The following AKAP13 variants were observed in gnomAD, a reference collection of about 807,000 sequenced individuals.
AKAP13 encodes A-kinase anchor protein 13.
A neutral mutation model predicts 264.5 loss-of-function variants in AKAP13; 80 were observed. The observed-to-expected ratio is 0.30, with a 90% CI of 0.25 to 0.36. The LOEUF is 0.36. Among genes scored for constraint, AKAP13 ranks in the 10% least tolerant of loss-of-function variants. The pLI is 1.00. For missense variants in AKAP13, 3,712 were observed against 3,435.2 expected (o/e 1.08, Z -2.01); for synonymous variants, 1,380 against 1,250.2 (o/e 1.10, Z -2.19).
chr15:85,702,321 T>C (rs2151670310), intron 17 of AKAP13: 1 of 152,194 alleles, frequency 6.6e-6, no homozygotes, highest in South Asian at 2.1e-4. Context: ...AGTCATCTTC[T>C]CAAAGGAACC....
chr15:85,631,480 A>G (rs866157812), intron 8 of AKAP13, among the ~76,000 whole-genome samples: 1 of 125,290 alleles, frequency 8.0e-6, no homozygotes, highest in African/African-American at 3.0e-5. Flanking sequence ...ACACACACAC[A>G]CTTTCTCTCT....
intron 8 of AKAP13, among the ~76,000 whole-genome samples, chr15:85,623,900 G>A (rs1015750310): frequency 1.3e-5 from 2 of 152,174 alleles, no homozygotes; most frequent in Non-Finnish European, 2.9e-5. Flanking sequence ...TGTTGGCATG[G>A]GCCCTTTGGT....
chr15:85,573,467 C>A (rs928293452), intron 5 of AKAP13, among the ~76,000 whole-genome samples: 1 of 151,894 alleles, frequency 6.6e-6, no homozygotes, highest in Non-Finnish European at 1.5e-5. Flanking sequence ...AATCGATGAA[C>A]CTGGGAGTTA....
Position 85,580,655 on chromosome 15 carries a change from A to T in AKAP13, c.2587A>T (p.Thr863Ser), listed in dbSNP as rs1388637087. The T allele has an allele frequency of 3.1e-6, 5 of 1,614,076 alleles. No individual in the cohort carries two copies. The Admixed American group carries it at 8.3e-5, about 27-fold the overall frequency. ...AGAGCTTCAGCACGGGATGGGGAAT[A>T]CCAGTCTCACAGGACTTGGTGGAGA... Reference protein sequence around the residue: ...AAELQHGMGNTSLTGLGGEHE... With the variant: ...AAELQHGMGNSSLTGLGGEHE... Residue 863 changes from threonine (T) to serine (S), a missense_variant, in exon 7 of 37, where the codon ACC (threonine) becomes TCC (serine). By Grantham distance (58) the Thr-to-Ser change is moderately conservative. Coordinates refer to ENST00000394518, the MANE Select transcript of AKAP13 (RefSeq NM_007200.5).
rs750818026 is a variant in AKAP13, at chr15:85,722,110, T to C, written c.6372T>C (p.Phe2124=). 1 of 1,613,962 alleles carries C rather than the reference T, an allele frequency of 6.2e-7. No homozygotes were observed. The highest frequency in any genetic ancestry group is 1.7e-5 in the Admixed American group (1 of 59,964). Residue 2124 remains phenylalanine, a synonymous_variant, in exon 24 of 37, where the codon TTT becomes TTC. Coordinates refer to ENST00000394518, the MANE Select transcript of AKAP13 (RefSeq NM_007200.5). ...CCAAGGATAAGCGTTTTCAAGCCTT[T>C]GTAAAGGTATTGATAAGAAACATGA... The part of the protein sequence containing the change: ...LYAKDKRFQA[F]VKKKMSSSVV...
chr15:85,411,548 C>G (rs2071967594), intron 1 of AKAP13, among the ~76,000 whole-genome samples: 1 of 152,168 alleles, frequency 6.6e-6, no homozygotes, highest in Non-Finnish European at 1.5e-5. Context: ...CGCCATTCTC[C>G]TGCCTCAGCC....
intron 1 of AKAP13, among the ~76,000 whole-genome samples, chr15:85,472,082 A>T (rs1160918735): frequency 6.6e-6 from 1 of 151,992 alleles, no homozygotes; most frequent in Non-Finnish European, 1.5e-5. Context: ...GTCCTTAAGT[A>T]TTTCATGGTT....
chr15:85,515,397 C>T (rs1195539610), intron 2 of AKAP13, among the ~76,000 whole-genome samples: 2 of 138,484 alleles, frequency 1.4e-5, no homozygotes, highest in Admixed American at 1.5e-4. Context: ...TTACTCCAAA[C>T]GCTTTGTTGT....
At chr15:85,513,377 TTTTTTA>T (rs1456709708) in intron 2 of AKAP13, among the ~76,000 whole-genome samples, 1 of 152,094 alleles carries the variant, frequency 6.6e-6, no homozygotes, top group Non-Finnish European at 1.5e-5. Flanking sequence ...GGTTTTACAA[TTTTTTA>T]TTTTTATGTT....
At chr15:85,652,015 T>A (rs947965461) in intron 10 of AKAP13, among the ~76,000 whole-genome samples, 1 of 152,238 alleles carries the variant, frequency 6.6e-6, no homozygotes, top group Non-Finnish European at 1.5e-5. Context: ...AAGAGCTGCA[T>A]ACTGCAGTAA....
Position 85,650,787 on chromosome 15 carries a change from A to C in AKAP13, c.4375-4630A>C, listed in dbSNP as rs1043201266. ...AAAAAAAAAAAAAAAAAAAAAAAAA[A>C]AAACAACAAAAACTGCAATTGCCTG... On this transcript the variant is annotated intron_variant, in intron 10 of 36. Transcript: ENST00000394518. 1.1e-4 allele frequency among the ~76,000 whole-genome samples: 14 copies of C among 130,724 alleles called. No individual in the cohort carries two copies. In the East Asian group the frequency reaches 2.3e-3, roughly 21 times the overall value. 85.8% of individuals were successfully genotyped at this position (130,724 alleles called of 152,430 possible).
At chr15:85,442,519 TTATATTA>T (rs1235938540) in intron 1 of AKAP13, among the ~76,000 whole-genome samples, 11 of 109,336 alleles carry the variant, frequency 1.0e-4, no homozygotes, top group South Asian at 2.8e-4. Context: ...ATAATATATA[TTATATTA>T]TATATAATAT....
chr15:85,425,318 T>G lies in AKAP13; in HGVS notation c.-12+44520T>G, dbSNP rs189796154. 1.2e-3 allele frequency among the ~76,000 whole-genome samples: 186 copies of G among 152,338 alleles called. 2 individuals carry two copies. The highest frequency in any genetic ancestry group is 4.3e-3 in the African/African-American group (178 of 41,582). Reference sequence around the variant, plus strand: ...TATGTATAAAAAGCCTGGTTTTAAATTACAGTTTTCTAGGTGTGTTTATAT... The same window carrying G: ...TATGTATAAAAAGCCTGGTTTTAAAGTACAGTTTTCTAGGTGTGTTTATAT... On this transcript the variant is annotated intron_variant, in intron 1 of 36. Coordinates refer to ENST00000394518, the MANE Select transcript of AKAP13 (RefSeq NM_007200.5).
intron 1 of AKAP13, among the ~76,000 whole-genome samples, chr15:85,441,501 A>G (rs966563596): frequency 6.6e-6 from 1 of 151,958 alleles, no homozygotes; most frequent in Admixed American, 6.6e-5. Context: ...AAAGTTTTTA[A>G]TTTTGATGAA....
chr15:85,603,677 C>T (rs2080192979), intron 8 of AKAP13, among the ~76,000 whole-genome samples: 1 of 152,164 alleles, frequency 6.6e-6, no homozygotes, highest in Non-Finnish European at 1.5e-5. Flanking sequence ...CGCCAGAATC[C>T]CCTTATTATT....
chr15:85,562,691 C>CTTTTCT, intron 5 of AKAP13, among the ~76,000 whole-genome samples: 1 of 100,516 alleles, frequency 9.9e-6, no homozygotes, highest in Admixed American at 1.2e-4. Flanking sequence ...CTTTTCTTTT[C>CTTTTCT]TTTTTTTTTT....
chr15:85,715,888 G>A lies in AKAP13; in HGVS notation c.5700G>A (p.Ser1900=), dbSNP rs770916231. 41 of 1,612,588 alleles carry A rather than the reference G, an allele frequency of 2.5e-5. No individual in the cohort carries two copies. The highest frequency in any genetic ancestry group is 3.1e-5 in the Non-Finnish European group (37 of 1,179,674). Residue 1900 remains serine (S), a synonymous_variant, in exon 20 of 37, where the codon TCG becomes TCA. Transcript: ENST00000394518. ...FANRRSQQSV[S]LSKSVSIQNI... is the part of the protein sequence containing the mutation. ...ATAGACGATCCCAGCAGAGTGTCTC[G>A]CTCTCCAAAAGTGTCTCCATACAGA...
intron 1 of AKAP13, among the ~76,000 whole-genome samples, chr15:85,393,983 A>G (rs1424296724): frequency 6.6e-6 from 1 of 152,252 alleles, no homozygotes; most frequent in African/African-American, 2.4e-5. Context: ...GAAACTTGCC[A>G]ATAGAATTGT....
chr15:85,687,560 C>CT (rs1435597922), intron 16 of AKAP13, among the ~76,000 whole-genome samples: 1 of 152,110 alleles, frequency 6.6e-6, no homozygotes, highest in East Asian at 1.9e-4. Context: ...GTCGTGCTGT[C>CT]TTTAGCAGTG....
Sources: allele counts gnomAD v4.1 joint callset (sites outside exome capture counted in the v4.1 genomes callset), GRCh38; gene constraint gnomAD v4.1.1; transcripts MANE v1.5; gene names NCBI Gene and HGNC (gene_info 2026-07-23, HGNC 2026-07-21).